The following ITGB1 variants were observed in gnomAD, a reference collection of about 807,000 sequenced individuals.
The protein encoded by ITGB1 is integrin subunit beta 1.
A neutral mutation model predicts 86.5 loss-of-function variants in ITGB1; 24 were observed. The observed-to-expected ratio is 0.28, with a 90% confidence interval of 0.20 to 0.39. The LOEUF is 0.39. ITGB1 is among the 10% of genes least tolerant of loss of function. ITGB1 has a pLI of 1.00. For synonymous variants in ITGB1, 323 were observed against 316.8 expected, an observed-to-expected ratio of 1.02 and a Z score of -0.21; for missense variants, 556 against 946.9, an observed-to-expected ratio of 0.59 and a Z score of 5.42.
chr10:32,905,994 A>C (rs954600544), intron 15 of ITGB1, among the ~76,000 whole-genome samples: 1 of 152,164 alleles, frequency 6.6e-6, no homozygotes, highest in African/African-American at 2.4e-5. Context: ...ATTTCATGAA[A>C]ATTCAGATAT....
chr10:32,924,428 G>A (rs879474415), intron 6 of ITGB1, among the ~76,000 whole-genome samples: 7 of 152,068 alleles, frequency 4.6e-5, no homozygotes, highest in Non-Finnish European at 7.4e-5. Flanking sequence ...ACCTGCTTTC[G>A]TTAATTTATT....
chr10:32,903,304 A>G (rs1041739366), intron 15 of ITGB1, among the ~76,000 whole-genome samples: 2 of 143,054 alleles, frequency 1.4e-5, no homozygotes, highest in African/African-American at 5.1e-5. Flanking sequence ...GTGAGCTGAG[A>G]TCGCACCACT....
chr10:32,909,801 C>A (rs1180086754), intron 14 of ITGB1, among the ~76,000 whole-genome samples: 4 of 151,946 alleles, frequency 2.6e-5, no homozygotes, highest in Non-Finnish European at 5.9e-5. Context: ...AAAAAAGTTT[C>A]ACCTCCGGAG....
intron 11 of ITGB1, among the ~76,000 whole-genome samples, chr10:32,917,918 A>T (rs2094937099): frequency 6.7e-6 from 1 of 148,246 alleles, no homozygotes; most frequent in Non-Finnish European, 1.5e-5. Context: ...GGCACTATTC[A>T]CAATAGCAAA....
At position 32,926,039 on chromosome 10, in the gene ITGB1, A is replaced by G; in HGVS notation, c.618T>C (p.Pro206=). The G allele has an allele frequency of 6.2e-7, 1 of 1,614,162 alleles. No homozygotes were observed. Among genetic ancestry groups the G allele is most frequent in the Non-Finnish European group, 8.5e-7 (1 of 1,180,018 alleles). The change falls in exon 6 of 16, where the codon CCT becomes CCC. Residue 206 remains proline (P), a synonymous_variant. Coordinates refer to ENST00000302278, the MANE Select transcript of ITGB1 (RefSeq NM_002211.4). ...ISTTPAKLRN[P]CTSEQNCTSP... Reference sequence around the variant, plus strand: ...TGGTGCAGTTCTGTTCACTTGTGCAAGGGTTCCTGAGCTTAGCTGGTGTTG... The same window carrying G: ...TGGTGCAGTTCTGTTCACTTGTGCAGGGGTTCCTGAGCTTAGCTGGTGTTG...
At chr10:32,950,406 A>C (rs1013596454) in intron 1 of ITGB1, among the ~76,000 whole-genome samples, 2 of 152,174 alleles carry the variant, frequency 1.3e-5, no homozygotes, top group Admixed American at 1.3e-4. Flanking sequence ...TGGAAAGGGA[A>C]CCTTTCCCCT....
intron 1 of ITGB1, chr10:32,944,866 T>C: frequency 4.6e-6 from 6 of 1,307,236 alleles, no homozygotes; most frequent in Non-Finnish European, 5.5e-6. Flanking sequence ...TCATTCAGCA[T>C]GAGGATGATA....
At chr10:32,918,876 C>G (rs992614687) in intron 11 of ITGB1, among the ~76,000 whole-genome samples, 1 of 152,090 alleles carries the variant, frequency 6.6e-6, no homozygotes, top group African/African-American at 2.4e-5. Flanking sequence ...AACTAGTATA[C>G]TATTTAAAAA....
Position 32,920,297 on chromosome 10 carries a change from T to C in ITGB1, c.1217A>G (p.Asn406Ser). The change falls in exon 10 of 16, where the codon AAT becomes AGT. Residue 406 changes from asparagine to serine, a missense_variant. Physicochemically the swap from Asn to Ser is conservative, Grantham distance 46. Coordinates refer to ENST00000302278, the MANE Select transcript of ITGB1 (RefSeq NM_002211.4). ...TTTTCTTCCATTTTCCCCTGTTCCA[T>C]TCACCCCGTTCTTGCAGTAAGATTT... ...SYKSYCKNGV[N>S]GTGENGRKCS... 1 of 1,613,626 alleles carries C rather than the reference T, an allele frequency of 6.2e-7. No homozygotes were observed. Among genetic ancestry groups the C allele is most frequent in the Non-Finnish European group, 8.5e-7 (1 of 1,179,676 alleles).
chr10:32,941,259 C>A (rs1431600342), intron 1 of ITGB1, among the ~76,000 whole-genome samples: 1 of 152,112 alleles, frequency 6.6e-6, no homozygotes. Context: ...CAGCTCCCTG[C>A]AACCCAAAAT....
chr10:32,938,481 A>C (rs190677859), intron 1 of ITGB1, among the ~76,000 whole-genome samples: 1 of 152,366 alleles, frequency 6.6e-6, no homozygotes, highest in Non-Finnish European at 1.5e-5. Context: ...TGAAGTTATT[A>C]GGTAACAGAA....
chr10:32,925,373 TTC>T (rs1287971320), intron 6 of ITGB1, among the ~76,000 whole-genome samples: 4 of 152,182 alleles, frequency 2.6e-5, no homozygotes, highest in Non-Finnish European at 5.9e-5. Flanking sequence ...GCTTAAAAAG[TTC>T]TCTCTTTTTG....
Position 32,907,843 on chromosome 10 carries a change from A to T in ITGB1, c.2331+525T>A, listed in dbSNP as rs191732015. Among the ~76,000 whole-genome samples the T allele has an allele frequency of 3.2e-4, 49 of 152,278 alleles. 1 individual carries two copies. The highest frequency in any genetic ancestry group is 6.8e-3 in the Middle Eastern group (2 of 294). On this transcript the variant is annotated intron_variant, in intron 15 of 15. Transcript: ENST00000302278. ...GCTTTAAAAAAAAGTTACCAAAAAA[A>T]AATAATAATAATAATTACAATTTCT...
intron 1 of ITGB1, among the ~76,000 whole-genome samples, chr10:32,957,298 G>A (rs966733074): frequency 1.3e-5 from 2 of 152,320 alleles, no homozygotes; most frequent in Admixed American, 6.5e-5. Context: ...GTTACTTAGA[G>A]AGTAGGAGTC....
chr10:32,943,903 C>T (rs898365772), intron 1 of ITGB1, among the ~76,000 whole-genome samples: 1 of 152,130 alleles, frequency 6.6e-6, no homozygotes, highest in Non-Finnish European at 1.5e-5. Context: ...TTGAGAAGTA[C>T]GTAGAAAGTC....
intron 1 of ITGB1, among the ~76,000 whole-genome samples, chr10:32,946,657 T>C (rs1263271705): frequency 2.0e-5 from 3 of 150,360 alleles, no homozygotes; most frequent in African/African-American, 7.3e-5. Flanking sequence ...CAAGGCCTTG[T>C]ATAAGCTGTT....
chr10:32,929,833 C>T lies in ITGB1; in HGVS notation c.365G>A (p.Arg122Gln), dbSNP rs147749674. The T allele has an allele frequency of 7.5e-6, 12 of 1,605,090 alleles. No individual in the cohort carries two copies. Among genetic ancestry groups the T allele is most frequent in the Middle Eastern group, 3.3e-4 (2 of 6,072 alleles). ...TQIQPQQLVL[R>Q]LRSGEPQTFT... The stretch of plus-strand genomic sequence containing the variant: ...TTGGGCTTCCATACCTGATCTTAAT[C>T]GCAAAACCAACTGCTGTGGTTGGAT... The change falls in exon 4 of 16, where the codon CGA becomes CAA. Residue 122 changes from arginine (R) to glutamine (Q), a missense_variant. By Grantham distance (43) the Arg-to-Gln change is conservative. Transcript: ENST00000302278.
intron 2 of ITGB1, among the ~76,000 whole-genome samples, chr10:32,935,100 G>C (rs1053299078): frequency 6.6e-6 from 1 of 152,198 alleles, no homozygotes; most frequent in Non-Finnish European, 1.5e-5. Flanking sequence ...CAAAGAGTGA[G>C]AATGTCTTCT....
chr10:32,927,609 T>C (rs1490844276), intron 5 of ITGB1, among the ~76,000 whole-genome samples: 7 of 152,112 alleles, frequency 4.6e-5, no homozygotes, highest in African/African-American at 9.6e-5. Flanking sequence ...CTGGCCAACA[T>C]GGTGAAACCC....
Sources: allele counts gnomAD v4.1 joint callset (sites outside exome capture counted in the v4.1 genomes callset), GRCh38; gene constraint gnomAD v4.1.1; transcripts MANE v1.5; gene names NCBI Gene and HGNC (gene_info 2026-07-23, HGNC 2026-07-21).